STRBP: variants seen among roughly 807,000 people sequenced by gnomAD.
STRBP encodes the protein spermatid perinuclear RNA binding protein.
STRBP carries 13 observed loss-of-function variants against 80.1 expected under a neutral mutation model. The observed-to-expected ratio is 0.16, with a 90% confidence interval of 0.11 to 0.26. The LOEUF is 0.26. STRBP is among the 10% of genes least tolerant of loss of function. The probability of loss-of-function intolerance (pLI) is 1.00; values close to 1 mark genes in which losing one functional copy is unlikely to be tolerated. For missense variants in STRBP, 485 were observed against 815.2 expected (o/e 0.59, Z 4.93); for synonymous variants, 284 against 291.2 (o/e 0.98, Z 0.25).
At chr9:123,258,677 G>A (rs997751288) in intron 1 of STRBP, among the ~76,000 whole-genome samples, 2 of 151,992 alleles carry the variant, frequency 1.3e-5, no homozygotes, top group African/African-American at 2.4e-5. Context: ...GGTGGCGGGC[G>A]CCTGTCGTCC....
At chr9:123,173,462 T>C (rs994702659) in intron 5 of STRBP, among the ~76,000 whole-genome samples, 7 of 152,208 alleles carry the variant, frequency 4.6e-5, no homozygotes, top group African/African-American at 1.7e-4. Context: ...GGTACCTTAA[T>C]GGCCATCTTA....
intron 2 of STRBP, among the ~76,000 whole-genome samples, chr9:123,218,177 T>C (rs2039955396): frequency 6.6e-6 from 1 of 152,128 alleles, no homozygotes; most frequent in Admixed American, 6.6e-5. Context: ...TTCTCTCTCT[T>C]CTTACTACAC....
chr9:123,139,695 A>G lies in STRBP; in HGVS notation c.1339-8T>C. On this transcript the variant is annotated splice_region_variant and splice_polypyrimidine_tract_variant and intron_variant, in intron 13 of 18. Coordinates refer to ENST00000348403, the MANE Select transcript of STRBP (RefSeq NM_018387.5). ...TCCCATTGCCTGCAATACCTGTACA[A>G]ATTACATTAAAATGCAGTTTTATTC... 6.2e-7 allele frequency: 1 copy of G among 1,604,652 alleles called. No individual in the cohort carries two copies. The highest frequency in any genetic ancestry group is 8.5e-7 in the Non-Finnish European group (1 of 1,177,956).
At chr9:123,234,133 A>G (rs2040478652) in intron 2 of STRBP, among the ~76,000 whole-genome samples, 1 of 150,904 alleles carries the variant, frequency 6.6e-6, no homozygotes, top group Admixed American at 6.6e-5. Context: ...CCCGGGAGGC[A>G]GAGTTTGTGG....
chr9:123,137,818 G>A (rs2036425997), intron 14 of STRBP, among the ~76,000 whole-genome samples: 1 of 152,148 alleles, frequency 6.6e-6, no homozygotes, highest in Admixed American at 6.5e-5. Flanking sequence ...AAACATCAAA[G>A]GACAATTTTT....
chr9:123,154,168 C>T (rs2037178732), intron 11 of STRBP, among the ~76,000 whole-genome samples: 1 of 152,084 alleles, frequency 6.6e-6, no homozygotes, highest in South Asian at 2.1e-4. Flanking sequence ...CATGGCAACA[C>T]GGTAAGTGGT....
Position 123,152,748 on chromosome 9 carries a change from C to T in STRBP, c.1046-4878G>A, listed in dbSNP as rs184362020. 4.6e-3 allele frequency among the ~76,000 whole-genome samples: 694 copies of T among 150,982 alleles called. 4 individuals are homozygous for T. The highest frequency in any genetic ancestry group is 8.3e-3 in the Non-Finnish European group (561 of 67,808). ...ATGGCTGAGCAGAGAGAGGCGGGTACGACTATAAAGGGGCAGCATGAAGCA... is the reference window on the plus strand; with the variant it reads ...ATGGCTGAGCAGAGAGAGGCGGGTATGACTATAAAGGGGCAGCATGAAGCA... On this transcript the variant is annotated intron_variant, in intron 11 of 18. Coordinates refer to ENST00000348403, the MANE Select transcript of STRBP (RefSeq NM_018387.5).
Position 123,170,029 on chromosome 9 carries a change from T to C in STRBP, c.408A>G (p.Lys136=), listed in dbSNP as rs1588036369. The change falls in exon 6 of 19, where the codon AAA becomes AAG. Residue 136 remains lysine, a synonymous_variant. Coordinates refer to ENST00000348403, the MANE Select transcript of STRBP (RefSeq NM_018387.5). Reference sequence around the variant, plus strand: ...CATTTACACATTGTTCCACTTGATATTTCTCTTCTGTGAGTTTCTGAAAGT... The same window carrying C: ...CATTTACACATTGTTCCACTTGATACTTCTCTTCTGTGAGTTTCTGAAAGT... ...PIQIQKLTEE[K]YQVEQCVNEA... 6.2e-7 allele frequency: 1 copy of C among 1,605,670 alleles called. No individual in the cohort carries two copies. Among genetic ancestry groups the C allele is most frequent in the African/African-American group, 1.3e-5 (1 of 74,558 alleles).
intron 6 of STRBP, among the ~76,000 whole-genome samples, chr9:123,161,634 C>T (rs1031885518): frequency 1.4e-4 from 21 of 152,108 alleles, no homozygotes; most frequent in Admixed American, 1.3e-4. Flanking sequence ...TGATTGAGAA[C>T]TCAAGTATCA....
intron 2 of STRBP, among the ~76,000 whole-genome samples, chr9:123,202,680 A>G (rs2039368785): frequency 1.3e-5 from 2 of 152,206 alleles, no homozygotes; most frequent in African/African-American, 4.8e-5. Flanking sequence ...GTACATTTAA[A>G]AATAGATAAA....
At chr9:123,171,392 T>G (rs957769731) in intron 5 of STRBP, among the ~76,000 whole-genome samples, 5 of 152,222 alleles carry the variant, frequency 3.3e-5, no homozygotes, top group Admixed American at 1.3e-4. Flanking sequence ...CTATGTTAAG[T>G]GCTCGGGAAA....
chr9:123,111,922 C>T (rs1564202568), intron 3 of STRBP: 1 of 210,312 alleles, frequency 4.8e-6, no homozygotes, highest in Non-Finnish European at 1.1e-5. Flanking sequence ...CACCCAGGGG[C>T]AACTCTTCCT....
chr9:123,237,667 C>A (rs1264652351), intron 1 of STRBP, among the ~76,000 whole-genome samples: 3 of 151,852 alleles, frequency 2.0e-5, no homozygotes, highest in Non-Finnish European at 2.9e-5. Flanking sequence ...ATGTGGAACA[C>A]CTGCTCTCAA....
chr9:123,186,620 C>T (rs746048641), intron 2 of STRBP, among the ~76,000 whole-genome samples: 36 of 152,112 alleles, frequency 2.4e-4, no homozygotes, highest in Non-Finnish European at 4.7e-4. Context: ...TAAAAATCAT[C>T]TGACCAACTC....
chr9:123,156,612 T>C (rs868415315), intron 11 of STRBP, among the ~76,000 whole-genome samples: 12 of 150,726 alleles, frequency 8.0e-5, no homozygotes, highest in Non-Finnish European at 5.9e-5. Flanking sequence ...AGAGCAACGA[T>C]CTCATCACAT....
intron 2 of STRBP, among the ~76,000 whole-genome samples, chr9:123,186,551 A>C (rs1309243209): frequency 6.6e-6 from 1 of 152,260 alleles, no homozygotes; most frequent in Admixed American, 6.5e-5. Flanking sequence ...TGAAAAAAAA[A>C]CTGTATCTCT....
intron 2 of STRBP, among the ~76,000 whole-genome samples, chr9:123,201,446 T>A (rs1484360950): frequency 6.6e-6 from 1 of 152,228 alleles, no homozygotes; most frequent in East Asian, 1.9e-4. Context: ...AAAATTTCCA[T>A]CTTGGTTTCA....
intron 2 of STRBP, among the ~76,000 whole-genome samples, chr9:123,217,697 C>T (rs1444459511): frequency 1.3e-5 from 2 of 152,214 alleles, no homozygotes; most frequent in East Asian, 3.8e-4. Context: ...TCAATAAAGG[C>T]ATTTGATATA....
At chr9:123,111,811 GCC>G (rs1395893705) in intron 3 of STRBP, 1 of 300,148 alleles carries the variant, frequency 3.3e-6, no homozygotes, top group Non-Finnish European at 6.9e-6. Context: ...TACCATAAGA[GCC>G]TGAGAGCTAC....
Sources: allele counts gnomAD v4.1 joint callset (sites outside exome capture counted in the v4.1 genomes callset), GRCh38; gene constraint gnomAD v4.1.1; transcripts MANE v1.5; gene names NCBI Gene and HGNC (gene_info 2026-07-23, HGNC 2026-07-21).